PLD5: variants seen among roughly 807,000 people sequenced by gnomAD.
PLD5 encodes the protein phospholipase D family member 5, also known as inactive phospholipase D5.
Under a neutral mutation model 61.1 loss-of-function variants are expected in PLD5, and 36 were observed. The observed-to-expected ratio is 0.59, with a 90% CI of 0.45 to 0.78. The LOEUF is 0.78. Among genes scored for constraint, PLD5 ranks in the 30% least tolerant of loss-of-function variants. The pLI, the probability that PLD5 is intolerant of heterozygous loss-of-function variation, is 0.00. For missense variants in PLD5, 515 were observed against 644.4 expected, an observed-to-expected ratio of 0.80 and a Z score of 2.17; for synonymous variants, 243 against 242.8, an observed-to-expected ratio of 1.00 and a Z score of -0.01.
At chr1:242,379,290 G>C (rs1247930554) in intron 1 of PLD5, among the ~76,000 whole-genome samples, 1 of 152,090 alleles carries the variant, frequency 6.6e-6, no homozygotes, top group Non-Finnish European at 1.5e-5. Context: ...CCTTCAGATG[G>C]CTCACATGCT....
At chr1:242,299,598 G>T (rs1441969783) in intron 2 of PLD5, among the ~76,000 whole-genome samples, 1 of 152,196 alleles carries the variant, frequency 6.6e-6, no homozygotes, top group Admixed American at 6.5e-5. Flanking sequence ...CAGGCAGAGG[G>T]ACCAAATTCT....
chr1:242,352,221 A>C (rs1456691788), intron 1 of PLD5, among the ~76,000 whole-genome samples: 2 of 152,054 alleles, frequency 1.3e-5, no homozygotes, highest in African/African-American at 4.8e-5. Context: ...CCCTCTACCC[A>C]CCAGCCTCTG....
intron 1 of PLD5, among the ~76,000 whole-genome samples, chr1:242,496,904 G>A (rs901249043): frequency 6.6e-5 from 10 of 152,178 alleles, no homozygotes; most frequent in African/African-American, 9.7e-5. Context: ...ATGTGATAGT[G>A]CAACTTCTAG....
intron 5 of PLD5, among the ~76,000 whole-genome samples, chr1:242,158,850 C>T (rs1021120119): frequency 6.6e-6 from 1 of 152,098 alleles, no homozygotes; most frequent in Non-Finnish European, 1.5e-5. Context: ...TGATTCTTCC[C>T]TCAACTGTGC....
chr1:242,230,814 T>G (rs1671251901), intron 4 of PLD5, among the ~76,000 whole-genome samples: 1 of 152,240 alleles, frequency 6.6e-6, no homozygotes, highest in Non-Finnish European at 1.5e-5. Flanking sequence ...CAGGTTGCTT[T>G]GATGCTTCAT....
intron 2 of PLD5, among the ~76,000 whole-genome samples, chr1:242,329,737 G>A (rs1225275833): frequency 6.6e-6 from 1 of 152,156 alleles, no homozygotes; most frequent in African/African-American, 2.4e-5. Flanking sequence ...TATGCACAGA[G>A]TTTGAGTAAG....
chr1:242,247,918 A>G (rs1297305722), intron 4 of PLD5, among the ~76,000 whole-genome samples: 2 of 152,210 alleles, frequency 1.3e-5, no homozygotes, highest in Non-Finnish European at 2.9e-5. Flanking sequence ...GGCCTGCAGA[A>G]TAAAGGACTG....
intron 2 of PLD5, among the ~76,000 whole-genome samples, chr1:242,327,498 GCTC>G (rs767146644): frequency 1.1e-4 from 16 of 152,260 alleles, no homozygotes; most frequent in Non-Finnish European, 1.9e-4. Flanking sequence ...GTGCTGAACA[GCTC>G]CTCATTATTT....
chr1:242,272,976 G>T (rs1674192904), intron 3 of PLD5, among the ~76,000 whole-genome samples: 1 of 151,964 alleles, frequency 6.6e-6, no homozygotes, highest in African/African-American at 2.4e-5. Flanking sequence ...TGTTACATAG[G>T]TATACATGTG....
At chr1:242,475,542 A>G (rs1667571616) in intron 1 of PLD5, among the ~76,000 whole-genome samples, 2 of 152,126 alleles carry the variant, frequency 1.3e-5, no homozygotes, top group Admixed American at 1.3e-4. Flanking sequence ...CTTCTTGTCT[A>G]AGATATCCCG....
chr1:242,441,087 G>GA (rs2102906766), intron 1 of PLD5, among the ~76,000 whole-genome samples: 1 of 152,236 alleles, frequency 6.6e-6, no homozygotes, highest in East Asian at 1.9e-4. Flanking sequence ...AAATTAAGTT[G>GA]AAAAAATCAG....
chr1:242,298,892 AC>A (rs1675870577), intron 2 of PLD5, among the ~76,000 whole-genome samples: 1 of 152,150 alleles, frequency 6.6e-6, no homozygotes, highest in East Asian at 1.9e-4. Context: ...AAAGAGGAAA[AC>A]GGTGGAACGT....
At chr1:242,518,236 T>G (rs1310465930) in intron 1 of PLD5, among the ~76,000 whole-genome samples, 1 of 152,218 alleles carries the variant, frequency 6.6e-6, no homozygotes, top group Non-Finnish European at 1.5e-5. Flanking sequence ...TGGGCTCTTT[T>G]TCTTTCCGAG....
In PLD5 at chr1:242,476,372, A is replaced by C. The variant is rs553328860; in HGVS notation, c.189+47716T>G. Among the ~76,000 whole-genome samples the C allele has an allele frequency of 4.1e-4, 62 of 152,224 alleles. No individual in the cohort carries two copies. The East Asian group carries it at 0.011, about 27-fold the overall frequency. On this transcript the variant is annotated intron_variant, in intron 1 of 9. Transcript: ENST00000536534. ...CTCCGTCTCAAAAAAAAAAGAAAAA[A>C]GAAAAAAGAAAACCCCCCCAAATGG...
In PLD5 at chr1:242,221,652, G is replaced by T. The variant is rs556503866; in HGVS notation, c.608-1537C>A. The stretch of plus-strand genomic sequence containing the variant: ...GCAGTTTCTTTGTCTTCCAAGTGGC[G>T]GGCACATGTTTCTCTGCCTCCAGCC... On this transcript the variant is annotated intron_variant, in intron 4 of 9. Transcript: ENST00000536534. Among the ~76,000 whole-genome samples, 3 of 152,152 alleles carry T rather than the reference G, an allele frequency of 2.0e-5. No homozygotes were observed. The South Asian group carries it at 6.2e-4, about 32-fold the overall frequency.
chr1:242,372,884 C>A (rs1661717677), intron 1 of PLD5, among the ~76,000 whole-genome samples: 1 of 152,090 alleles, frequency 6.6e-6, no homozygotes, highest in African/African-American at 2.4e-5. Context: ...TAGGCATGGG[C>A]AAGGACTTCA....
intron 1 of PLD5, among the ~76,000 whole-genome samples, chr1:242,392,155 A>G (rs1253819764): frequency 6.6e-6 from 1 of 152,198 alleles, no homozygotes; most frequent in East Asian, 1.9e-4. Context: ...TTAGCAAAGG[A>G]ACAACCAACC....
chr1:242,241,869 CTATATATATATATATATA>C (rs752113161), intron 4 of PLD5, among the ~76,000 whole-genome samples: 1,022 of 70,844 alleles, frequency 0.014, 32 homozygotes, highest in African/African-American at 0.06. Flanking sequence ...GCTTTACTTA[CTATATATATATATATATA>C]TATATATATA....
intron 2 of PLD5, among the ~76,000 whole-genome samples, chr1:242,305,554 A>G (rs557755138): frequency 3.3e-5 from 5 of 151,122 alleles, no homozygotes; most frequent in Admixed American, 6.6e-5. Context: ...AGCCACTTCC[A>G]TTTCTTATTT....
Sources: allele counts gnomAD v4.1 joint callset (sites outside exome capture counted in the v4.1 genomes callset), GRCh38; gene constraint gnomAD v4.1.1; transcripts MANE v1.5; gene names NCBI Gene and HGNC (gene_info 2026-07-23, HGNC 2026-07-21).